KLF13: variants seen among roughly 807,000 people sequenced by gnomAD.
The protein encoded by KLF13 is KLF transcription factor 13.
In KLF13, 8 loss-of-function variants were observed where a neutral mutation model predicts 16.7. The ratio of observed to expected loss-of-function variants is 0.48; its 90% CI spans 0.28 to 0.87. The LOEUF is 0.87. Ranked by LOEUF, KLF13 falls within the 40% of genes least tolerant of loss-of-function variation. The pLI, the probability that KLF13 is intolerant of heterozygous loss-of-function variation, is 0.10. For synonymous variants in KLF13, 245 were observed against 208.4 expected, an observed-to-expected ratio of 1.18 and a Z score of -1.51; for missense variants, 447 against 452.2, an observed-to-expected ratio of 0.99 and a Z score of 0.10.
chr15:31,426,198 T>A (rs971158430), intron 1 of KLF13, among the ~76,000 whole-genome samples: 1 of 152,230 alleles, frequency 6.6e-6, no homozygotes, highest in African/African-American at 2.4e-5. Flanking sequence ...CACATTTTTC[T>A]ATCTTTTTCT....
chr15:31,402,423 CTCAG>C (rs1246248005), intron 2 of KLF13, among the ~76,000 whole-genome samples: 1 of 152,230 alleles, frequency 6.6e-6, no homozygotes, highest in African/African-American at 2.4e-5. Context: ...TGGGCTGAGA[CTCAG>C]TCAGAGGGTT....
At chr15:31,388,880 A>G (rs1388400750), upstream of KLF13, among the ~76,000 whole-genome samples, 1 of 149,570 alleles carries the variant, frequency 6.7e-6, no homozygotes, top group Non-Finnish European at 1.5e-5. Flanking sequence ...AGGGGACTAA[A>G]CTTTTTATCG....
intron 1 of KLF13, among the ~76,000 whole-genome samples, chr15:31,434,993 C>A (rs759036914): frequency 1.3e-5 from 2 of 152,200 alleles, no homozygotes; most frequent in African/African-American, 4.8e-5. Flanking sequence ...ACAGTCAAGG[C>A]GGACTTGTCA....
In KLF13 at chr15:31,329,870, G is replaced by A. The variant is rs566814340; in HGVS notation, c.577+2081G>A. On this transcript the variant is annotated intron_variant, in intron 1 of 1. Coordinates refer to ENST00000307145, the MANE Select transcript of KLF13 (RefSeq NM_015995.4). The stretch of plus-strand genomic sequence containing the variant: ...ACAGGGCTCCGGCAGCGGGGTGGCG[G>A]GGAGTTGGGAAGAATGCAGATTTCC... Among the ~76,000 whole-genome samples, 49 of 152,324 alleles carry A rather than the reference G, an allele frequency of 3.2e-4. 1 individual carries two copies. The highest frequency in any genetic ancestry group is 2.4e-3 in the Admixed American group (36 of 15,304).
intron 2 of KLF13, among the ~76,000 whole-genome samples, chr15:31,397,730 T>C (rs1171056068): frequency 6.6e-6 from 1 of 152,202 alleles, no homozygotes; most frequent in Non-Finnish European, 1.5e-5. Context: ...TATTATGTTA[T>C]TTTCAACCAT....
rs1209931902 is a variant in KLF13 at position 31,373,042 on chromosome 15, C to G, written c.*743C>G. On this transcript the variant is annotated 3_prime_UTR_variant, in exon 2 of 2. Coordinates refer to ENST00000307145, the MANE Select transcript of KLF13 (RefSeq NM_015995.4). ...CTGGAAGCAGAGATGCCAGCCCTGG[C>G]TGAGCGTAGCACTGCACCGTCCGAC... The G allele has an allele frequency of 6.6e-6, 1 of 152,422 alleles. No homozygotes were observed. Among genetic ancestry groups the G allele is most frequent in the African/African-American group, 2.4e-5 (1 of 41,482 alleles). 9.4% of individuals were successfully genotyped at this position (152,422 alleles called of 1,614,324 possible). A position where few individuals can be genotyped will look rare whatever the true frequency, so the allele number is the denominator to read the frequency against.
chr15:31,343,654 A>G (rs2140941254), intron 1 of KLF13, among the ~76,000 whole-genome samples: 1 of 152,334 alleles, frequency 6.6e-6, no homozygotes, highest in South Asian at 2.1e-4. Context: ...TTCCAACTTC[A>G]AGAAATGACC....
At position 31,423,160 on chromosome 15, in the gene KLF13, TATATGTATATATATAC is replaced by T. The variant is rs1424987127; in HGVS notation, n.118-12205_118-12190del. Among the ~76,000 whole-genome samples, 31 of 119,282 alleles carry T rather than the reference TATATGTATATATATAC, an allele frequency of 2.6e-4. 9 individuals are homozygous for T. Among genetic ancestry groups the T allele is most frequent in the African/African-American group, 1.4e-3 (30 of 21,880 alleles). 78.3% of individuals were successfully genotyped at this position (119,282 alleles called of 152,430 possible). A position where few individuals can be genotyped will look rare whatever the true frequency, so the allele number is the denominator to read the frequency against. On this transcript the variant is annotated intron_variant and non_coding_transcript_variant, in intron 1 of 1. Coordinates refer to the KLF13 transcript ENST00000558225. ...ATACGTATACGTATATATACGTATA[TATATGTATATATATAC>T]ATATATACGTATATATATATATCAG...
intron 2 of KLF13, among the ~76,000 whole-genome samples, chr15:31,401,451 TG>T (rs1190852706): frequency 6.6e-6 from 1 of 151,972 alleles, no homozygotes; most frequent in African/African-American, 2.4e-5. Context: ...AGGGGTGAAG[TG>T]GGTAGTGGGC....
At chr15:31,335,577 C>T (rs1379889766) in intron 1 of KLF13, among the ~76,000 whole-genome samples, 2 of 152,086 alleles carry the variant, frequency 1.3e-5, no homozygotes, top group African/African-American at 4.8e-5. Flanking sequence ...TCTTTCTGGA[C>T]AAACAAGACA....
At chr15:31,388,477 G>A (rs547737516), upstream of KLF13, among the ~76,000 whole-genome samples, 2 of 151,914 alleles carry the variant, frequency 1.3e-5, no homozygotes, top group East Asian at 1.9e-4. Context: ...AGCCGGGTGC[G>A]GTGGTGCGTG....
At chr15:31,334,959 T>A (rs2038902576) in intron 1 of KLF13, among the ~76,000 whole-genome samples, 1 of 152,186 alleles carries the variant, frequency 6.6e-6, no homozygotes, top group African/African-American at 2.4e-5. Flanking sequence ...CTCGAACTTG[T>A]TTTACTCTTG....
intron 1 of KLF13, among the ~76,000 whole-genome samples, chr15:31,413,187 C>CAAAAAAAA (rs1161762538): frequency 0.045 from 2,724 of 59,904 alleles, 17 homozygotes; most frequent in Non-Finnish European, 0.079. Flanking sequence ...AATGAATAGA[C>CAAAAAAAA]AAAAAAAAAA....
At chr15:31,339,946 G>T (rs1432363960) in intron 1 of KLF13, 1 of 702,380 alleles carries the variant, frequency 1.4e-6, no homozygotes, top group Non-Finnish European at 2.6e-6. Context: ...GCCCACCCAT[G>T]GATTATCTTG....
chr15:31,327,489 A>G lies in KLF13; in HGVS notation c.277A>G (p.Arg93Gly). The G allele has an allele frequency of 1.7e-6, 2 of 1,190,458 alleles. No individual in the cohort carries two copies. Among genetic ancestry groups the G allele is most frequent in the Non-Finnish European group, 2.1e-6 (2 of 962,340 alleles). The allele number at this position is 1,190,458 out of a possible 1,614,324, so 73.7% of individuals were successfully genotyped here. The change falls in exon 1 of 2, where the codon AGG (arginine) becomes GGG (glycine). Residue 93 changes from arginine (R) to glycine (G), a missense_variant. This residue lies in a region of KLF13 where 359 missense variants were observed against 282.8 expected (regional missense o/e 1.27). Coordinates refer to ENST00000307145, the MANE Select transcript of KLF13 (RefSeq NM_015995.4). ...RREGAAARKARTPCRLPPPAP... is the reference protein window; with the variant it reads ...RREGAAARKAGTPCRLPPPAP... ...GGAGGGCGCCGCGGCCCGGAAGGCG[A>G]GGACCCCCTGCCGCCTGCCGCCGCC...
chr15:31,339,091 T>G (rs945232402), intron 1 of KLF13, among the ~76,000 whole-genome samples: 7 of 152,108 alleles, frequency 4.6e-5, no homozygotes, highest in African/African-American at 1.7e-4. Flanking sequence ...AGGAGGTGGC[T>G]TGGCTGACTG....
chr15:31,433,661 C>T (rs1281107391), intron 1 of KLF13, among the ~76,000 whole-genome samples: 1 of 151,884 alleles, frequency 6.6e-6, no homozygotes, highest in African/African-American at 2.4e-5. Flanking sequence ...ACTATGGCAC[C>T]TTTGTGGGCC....
At chr15:31,391,680 C>T (rs570589436), upstream of KLF13, among the ~76,000 whole-genome samples, 208 of 142,252 alleles carry the variant, frequency 1.5e-3, 1 homozygote, top group African/African-American at 5.1e-3. Flanking sequence ...TCTAGGTGCA[C>T]TGTTGGGGGG....
intron 1 of KLF13, among the ~76,000 whole-genome samples, chr15:31,368,008 C>T (rs1303065219): frequency 1.3e-5 from 2 of 149,838 alleles, no homozygotes; most frequent in Admixed American, 6.6e-5. Context: ...CCTTCCCCTG[C>T]CCCCTTTCTC....
Sources: gnomAD v4.1 joint callset for allele counts (sites outside exome capture counted in the v4.1 genomes callset) on GRCh38, gnomAD v4.1.1 for gene constraint, gnomAD v4.1.1 regional missense constraint, MANE v1.5 for transcripts, NCBI Gene and HGNC (gene_info 2026-07-23, HGNC 2026-07-21) for gene names.